Variants in FAM3B observed in about 807,000 individuals in gnomAD.
FAM3B encodes protein FAM3B.
In FAM3B, 29 loss-of-function variants were observed where a neutral mutation model predicts 28.4. The observed-to-expected ratio is 1.02, with a 90% CI of 0.76 to 1.39. The LOEUF (loss-of-function observed/expected upper bound fraction) is 1.39, where lower values mean the gene tolerates loss of function less well. Among genes scored for constraint, FAM3B ranks in the 40% most tolerant of loss-of-function variants. The probability of loss-of-function intolerance (pLI) is 0.00; values close to 1 mark genes in which losing one functional copy is unlikely to be tolerated. For missense variants in FAM3B, 266 were observed against 293.9 expected (o/e 0.91, Z 0.69); for synonymous variants, 91 against 103.0 (o/e 0.88, Z 0.71).
chr21:41,347,501 A>G (rs1321903089), intron 6 of FAM3B, among the ~76,000 whole-genome samples: 2 of 152,134 alleles, frequency 1.3e-5, no homozygotes, highest in African/African-American at 4.8e-5. Flanking sequence ...CACACCTGTA[A>G]TCCTAGCACT....
At chr21:41,348,833 G>A in intron 7 of FAM3B, 109 bp downstream of exon 7, 2 of 1,240,122 alleles carry the variant, frequency 1.6e-6, no homozygotes, top group Non-Finnish European at 2.3e-6. Flanking sequence ...TAAGAGTTGT[G>A]TCAGCTGTTT....
rs1221613191 is a variant in FAM3B at position 41,332,842 on chromosome 21, C to T, written c.164-5536C>T. On this transcript the variant is annotated intron_variant, in intron 2 of 7. Transcript: ENST00000357985. The stretch of plus-strand genomic sequence containing the variant: ...GTCTTCTCTTTCTTTTTTTCTCAGT[C>T]TAGCTAAGAGTTTGTCAATTTTATC... Among the ~76,000 whole-genome samples, 9 of 152,026 alleles carry T rather than the reference C, an allele frequency of 5.9e-5. No individual in the cohort carries two copies. In the East Asian group the frequency reaches 1.7e-3, roughly 29 times the overall value.
intron 2 of FAM3B, among the ~76,000 whole-genome samples, chr21:41,330,152 C>A (rs117485127): frequency 0.038 from 3,966 of 104,576 alleles, 72 homozygotes; most frequent in Non-Finnish European, 0.055. Flanking sequence ...AAAAAAAAAA[C>A]ATAATACAGG....
chr21:41,313,836 C>G (rs1402024984), upstream of FAM3B, among the ~76,000 whole-genome samples: 2 of 152,090 alleles, frequency 1.3e-5, no homozygotes, highest in Non-Finnish European at 2.9e-5. Context: ...GAGTTGTATT[C>G]CACATGAATA....
intron 1 of FAM3B, among the ~76,000 whole-genome samples, chr21:41,319,159 A>G (rs939299099): frequency 6.6e-6 from 1 of 152,116 alleles, no homozygotes; most frequent in Non-Finnish European, 1.5e-5. Context: ...GCTTTCCAAA[A>G]TGCTGAGGTA....
chr21:41,348,274 C>T lies in FAM3B; in HGVS notation c.486-318C>T, dbSNP rs113180709. Among the ~76,000 whole-genome samples, 130 of 152,124 alleles carry T rather than the reference C, an allele frequency of 8.5e-4. 1 individual carries two copies. Among genetic ancestry groups the T allele is most frequent in the African/African-American group, 2.7e-3 (112 of 41,494 alleles). ...ACTAAACAAGGGGCAGAGCAATAGC[C>T]GAAAATTGTATTGGCTGAGTGTGAG... On this transcript the variant is annotated intron_variant, in intron 6 of 7. Transcript: ENST00000357985.
intron 1 of FAM3B, among the ~76,000 whole-genome samples, chr21:41,321,415 C>T (rs554652603): frequency 9.8e-5 from 15 of 152,292 alleles, no homozygotes; most frequent in Non-Finnish European, 1.6e-4. Flanking sequence ...TGAGCACAAC[C>T]GTTGGCGCAG....
chr21:41,338,659 C>T (rs953212566), intron 3 of FAM3B, among the ~76,000 whole-genome samples, 158 bp downstream of exon 3: 3 of 152,186 alleles, frequency 2.0e-5, no homozygotes, highest in African/African-American at 4.8e-5. Context: ...GAGAAAGCTC[C>T]GCTGTATTCA....
intron 6 of FAM3B, 78 bp from the exon 7 acceptor site, chr21:41,348,514 G>C: frequency 1.9e-6 from 3 of 1,563,390 alleles, no homozygotes; most frequent in Non-Finnish European, 1.8e-6. Context: ...GATGCACAGC[G>C]TAACACATCC....
intron 1 of FAM3B, among the ~76,000 whole-genome samples, chr21:41,310,341 C>T (rs189169813): frequency 3.8e-4 from 58 of 152,266 alleles, no homozygotes; most frequent in African/African-American, 1.0e-3. Context: ...GTCCTCTGCT[C>T]ATTTGTGGGT....
At chr21:41,349,589 G>C (rs554824173) in intron 7 of FAM3B, among the ~76,000 whole-genome samples, 1 of 152,328 alleles carries the variant, frequency 6.6e-6, no homozygotes, top group Non-Finnish European at 1.5e-5. Context: ...GTCCCAGTCT[G>C]CCTCCTTGTG....
intron 7 of FAM3B, among the ~76,000 whole-genome samples, chr21:41,349,621 G>T (rs1019509607): frequency 1.3e-5 from 2 of 152,196 alleles, no homozygotes; most frequent in Admixed American, 6.5e-5. Context: ...GGTCTGGGAA[G>T]AAAGACAAGC....
At chr21:41,356,726 G>A (rs2089171041) in intron 7 of FAM3B, among the ~76,000 whole-genome samples, 1 of 152,168 alleles carries the variant, frequency 6.6e-6, no homozygotes, top group South Asian at 2.1e-4. Flanking sequence ...GTAGAAGAAA[G>A]AAGACATAGT....
chr21:41,356,082 CACAT>C (rs879850825), intron 7 of FAM3B, among the ~76,000 whole-genome samples: 3,862 of 142,500 alleles, frequency 0.027, 152 homozygotes, highest in African/African-American at 0.099. Flanking sequence ...CACACACACA[CACAT>C]AGTTTTACTC....
At chr21:41,322,643 C>T (rs771758949) in intron 1 of FAM3B, 15 of 713,250 alleles carry the variant, frequency 2.1e-5, no homozygotes, top group Admixed American at 6.0e-5. Context: ...TTGACATAAA[C>T]GTTCAAGGAC....
Position 41,322,987 on chromosome 21 carries a change from C to G in FAM3B, c.84C>G (p.Leu28=), listed in dbSNP as rs1016196890. Reference sequence around the variant, plus strand: ...GTGCCTGGTATTCGGGGTACCTGCTCGCAGAGCTCATTCCAGATGCACCCC... The same window carrying G: ...GTGCCTGGTATTCGGGGTACCTGCTGGCAGAGCTCATTCCAGATGCACCCC... ...SLCAWYSGYL[L]AELIPDAPLS... Residue 28 remains leucine (L), a synonymous_variant, in exon 2 of 8, where the codon CTC becomes CTG. Coordinates refer to ENST00000357985, the MANE Select transcript of FAM3B (RefSeq NM_058186.4). 6.2e-7 allele frequency: 1 copy of G among 1,612,096 alleles called. No individual in the cohort carries two copies. The highest frequency in any genetic ancestry group is 8.5e-7 in the Non-Finnish European group (1 of 1,180,028).
At chr21:41,348,874 G>A (rs2089089229) in intron 7 of FAM3B, 150 bp downstream of exon 7, 2 of 872,762 alleles carry the variant, frequency 2.3e-6, no homozygotes, top group East Asian at 5.2e-5. Flanking sequence ...CCGGACAGAA[G>A]TTTCAAACTT....
intron 4 of FAM3B, 74 bp from the exon 5 acceptor site, chr21:41,345,612 C>A: frequency 1.2e-6 from 1 of 834,218 alleles, no homozygotes. Context: ...TATTTCCTTC[C>A]CCAGGCCCTG....
At chr21:41,313,751 A>AT (rs1233522862), upstream of FAM3B, among the ~76,000 whole-genome samples, 1 of 152,000 alleles carries the variant, frequency 6.6e-6, no homozygotes, top group African/African-American at 2.4e-5. Flanking sequence ...GTATGTATGC[A>AT]TGTCGCATTT....
Sources: gnomAD v4.1 joint callset for allele counts (sites outside exome capture counted in the v4.1 genomes callset) on GRCh38, gnomAD v4.1.1 for gene constraint, MANE v1.5 for transcripts, NCBI Gene and HGNC (gene_info 2026-07-23, HGNC 2026-07-21) for gene names.